The following DLGAP2 variants were observed in gnomAD, a reference collection of about 807,000 sequenced individuals.
The protein encoded by DLGAP2 is disks large-associated protein 2.
DLGAP2 carries 26 observed loss-of-function variants against 100.3 expected under a neutral mutation model. That is an observed-to-expected ratio of 0.26 (90% CI 0.19 to 0.36). The LOEUF (loss-of-function observed/expected upper bound fraction) is 0.36. DLGAP2 is among the 10% of genes least tolerant of loss of function. The probability of loss-of-function intolerance (pLI) is 1.00; values close to 1 mark genes in which losing one functional copy is unlikely to be tolerated. For missense variants in DLGAP2, 1,858 were observed against 1,453.2 expected, an observed-to-expected ratio of 1.28 and a Z score of -4.53; for synonymous variants, 886 against 630.1, an observed-to-expected ratio of 1.41 and a Z score of -6.08.
intron 3 of DLGAP2, among the ~76,000 whole-genome samples, chr8:1,271,540 T>C (rs576955514): frequency 6.6e-6 from 1 of 152,298 alleles, no homozygotes; most frequent in East Asian, 1.9e-4. Flanking sequence ...TAGTTGTACA[T>C]CCGAGAAACA....
At chr8:1,327,897 T>C (rs530568093) in intron 3 of DLGAP2, among the ~76,000 whole-genome samples, 1 of 152,170 alleles carries the variant, frequency 6.6e-6, no homozygotes, top group Non-Finnish European at 1.5e-5. Flanking sequence ...TTCTCCACTT[T>C]TTCATTAATT....
chr8:1,429,372 G>C (rs545221903), intron 3 of DLGAP2, among the ~76,000 whole-genome samples: 2 of 152,110 alleles, frequency 1.3e-5, no homozygotes, highest in Non-Finnish European at 2.9e-5. Context: ...TTAAACTTTC[G>C]TTAACACTGT....
chr8:1,078,035 C>T (rs533162853), intron 2 of DLGAP2, among the ~76,000 whole-genome samples: 7 of 152,296 alleles, frequency 4.6e-5, no homozygotes, highest in African/African-American at 1.7e-4. Context: ...AGGTCAAGCA[C>T]AGAGGAACTT....
chr8:1,213,792 C>T (rs1798156759), intron 2 of DLGAP2, among the ~76,000 whole-genome samples: 2 of 152,204 alleles, frequency 1.3e-5, no homozygotes, highest in Admixed American at 1.3e-4. Flanking sequence ...CAGTGGCTCC[C>T]ATGGCCATTG....
chr8:1,351,790 TG>T (rs1941287887), intron 3 of DLGAP2, among the ~76,000 whole-genome samples: 11 of 63,486 alleles, frequency 1.7e-4, no homozygotes, highest in South Asian at 8.9e-4. Flanking sequence ...CCTGACTGTG[TG>T]TGGAAAGGAC....
intron 2 of DLGAP2, among the ~76,000 whole-genome samples, chr8:1,082,425 C>T (rs904328880): frequency 2.0e-5 from 3 of 152,200 alleles, no homozygotes; most frequent in African/African-American, 4.8e-5. Flanking sequence ...GGGCAGCCAA[C>T]ACGGGATACT....
intron 2 of DLGAP2, among the ~76,000 whole-genome samples, chr8:1,025,115 C>T (rs1234406487): frequency 1.3e-5 from 2 of 150,868 alleles, no homozygotes; most frequent in Non-Finnish European, 3.0e-5. Flanking sequence ...TATGTGTGTG[C>T]GTGCATGTGC....
intron 6 of DLGAP2, among the ~76,000 whole-genome samples, chr8:1,623,379 G>A (rs781369896): frequency 2.7e-5 from 4 of 150,778 alleles, no homozygotes; most frequent in South Asian, 2.1e-4. Flanking sequence ...GAACCAGTGC[G>A]TGATGACCTG....
chr8:806,266 C>A (rs1796267571), intron 1 of DLGAP2, among the ~76,000 whole-genome samples: 1 of 152,168 alleles, frequency 6.6e-6, no homozygotes, highest in South Asian at 2.1e-4. Context: ...GGATCTGAGG[C>A]CTCACAGTTG....
At chr8:1,342,356 T>C (rs1354472135) in intron 3 of DLGAP2, among the ~76,000 whole-genome samples, 1 of 152,146 alleles carries the variant, frequency 6.6e-6, no homozygotes, top group Non-Finnish European at 1.5e-5. Flanking sequence ...CCACAGATGA[T>C]GCGTTTAATT....
At chr8:1,600,303 C>G (rs902732618) in intron 6 of DLGAP2, among the ~76,000 whole-genome samples, 14 of 152,158 alleles carry the variant, frequency 9.2e-5, no homozygotes, top group African/African-American at 3.1e-4. Flanking sequence ...CTGCCCTTAT[C>G]ATTTTTTCCT....
chr8:1,694,764 G>A (rs1585071625), intron 13 of DLGAP2, among the ~76,000 whole-genome samples: 1 of 152,174 alleles, frequency 6.6e-6, no homozygotes, highest in Admixed American at 6.5e-5. Flanking sequence ...GAGCCACAGA[G>A]CTGTGTGAAT....
At chr8:1,117,020 T>G (rs1303024247) in intron 2 of DLGAP2, among the ~76,000 whole-genome samples, 2 of 152,202 alleles carry the variant, frequency 1.3e-5, no homozygotes, top group Non-Finnish European at 2.9e-5. Flanking sequence ...CGATGTGCAG[T>G]CCTCAGATGA....
chr8:1,282,192 C>T (rs1277386582), intron 3 of DLGAP2, among the ~76,000 whole-genome samples: 3 of 148,374 alleles, frequency 2.0e-5, no homozygotes, highest in Non-Finnish European at 4.5e-5. Context: ...GCACGTGAAC[C>T]ATCCGGACAT....
At chr8:1,363,606 A>T (rs1802036167) in intron 3 of DLGAP2, among the ~76,000 whole-genome samples, 1 of 152,160 alleles carries the variant, frequency 6.6e-6, no homozygotes, top group Admixed American at 6.5e-5. Context: ...CTGTCAGGCG[A>T]CATTGGGATC....
At chr8:948,314 C>T (rs1799383590) in intron 2 of DLGAP2, among the ~76,000 whole-genome samples, 1 of 152,206 alleles carries the variant, frequency 6.6e-6, no homozygotes, top group South Asian at 2.1e-4. Flanking sequence ...GCTCCTCATG[C>T]GTGTCGCCTG....
At chr8:1,302,909 C>T (rs1281240379) in intron 3 of DLGAP2, among the ~76,000 whole-genome samples, 1 of 152,262 alleles carries the variant, frequency 6.6e-6, no homozygotes, top group Non-Finnish European at 1.5e-5. Flanking sequence ...AACTCGCCTC[C>T]TTCTGCCGTG....
intron 2 of DLGAP2, among the ~76,000 whole-genome samples, chr8:1,113,837 C>G (rs1039901846): frequency 1.3e-5 from 2 of 152,104 alleles, no homozygotes; most frequent in African/African-American, 4.8e-5. Context: ...GTGGGGATGT[C>G]ATAGATGGCT....
chr8:755,204 A>G (rs565562554), intron 1 of DLGAP2, among the ~76,000 whole-genome samples: 39 of 152,276 alleles, frequency 2.6e-4, no homozygotes, highest in African/African-American at 8.9e-4. Flanking sequence ...GTATCCTGTA[A>G]TCCTAGCACT....
Sources: gnomAD v4.1 joint callset for allele counts (sites outside exome capture counted in the v4.1 genomes callset) on GRCh38, gnomAD v4.1.1 for gene constraint, MANE v1.5 for transcripts, NCBI Gene and HGNC (gene_info 2026-07-23, HGNC 2026-07-21) for gene names.